The following ADCY1 variants were observed in gnomAD, a reference collection of about 807,000 sequenced individuals.
The protein encoded by ADCY1 is adenylate cyclase type 1.
Under a neutral mutation model 105.4 loss-of-function variants are expected in ADCY1, and 28 were observed. The ratio of observed to expected loss-of-function variants is 0.27; its 90% CI spans 0.20 to 0.36. The LOEUF (loss-of-function observed/expected upper bound fraction) is 0.36, where lower values mean the gene tolerates loss of function less well. ADCY1 is among the 10% of genes least tolerant of loss of function. ADCY1 has a pLI of 1.00. For synonymous variants in ADCY1, 655 were observed against 623.8 expected (o/e 1.05, Z -0.75); for missense variants, 977 against 1,434.2 (o/e 0.68, Z 5.15).
intron 14 of ADCY1, among the ~76,000 whole-genome samples, chr7:45,699,806 G>A (rs1429093032): frequency 6.6e-6 from 1 of 152,184 alleles, no homozygotes; most frequent in African/African-American, 2.4e-5. Flanking sequence ...TCCTCAGATA[G>A]GACGAGTTCT....
chr7:45,702,438 A>G (rs1214103060), intron 14 of ADCY1, among the ~76,000 whole-genome samples: 1 of 152,240 alleles, frequency 6.6e-6, no homozygotes, highest in Non-Finnish European at 1.5e-5. Flanking sequence ...TGGCCAGGCC[A>G]TGGGCCGCTC....
chr7:45,650,498 C>T (rs1231311352), intron 5 of ADCY1, among the ~76,000 whole-genome samples: 1 of 152,126 alleles, frequency 6.6e-6, no homozygotes, highest in African/African-American at 2.4e-5. Flanking sequence ...GTGAAGCCCC[C>T]ACTCGGTGCT....
chr7:45,682,097 C>T (rs959177171), intron 11 of ADCY1, among the ~76,000 whole-genome samples: 1 of 152,160 alleles, frequency 6.6e-6, no homozygotes, highest in Non-Finnish European at 1.5e-5. Context: ...ACCTCACTGG[C>T]TTGACATGAG....
intron 2 of ADCY1, among the ~76,000 whole-genome samples, chr7:45,601,306 G>C (rs1199864113): frequency 6.6e-6 from 1 of 152,170 alleles, no homozygotes; most frequent in African/African-American, 2.4e-5. Context: ...ATCCTGCCAG[G>C]TTCTCAGCTG....
intron 2 of ADCY1, among the ~76,000 whole-genome samples, chr7:45,609,313 C>T (rs529393416): frequency 5.8e-4 from 88 of 152,282 alleles, no homozygotes; most frequent in Non-Finnish European, 5.6e-4. Flanking sequence ...GGGCTGTGCC[C>T]GGCAGGCTTG....
At chr7:45,652,861 C>G (rs1794847152) in intron 5 of ADCY1, among the ~76,000 whole-genome samples, 1 of 152,188 alleles carries the variant, frequency 6.6e-6, no homozygotes, top group Non-Finnish European at 1.5e-5. Flanking sequence ...CATCCTGGCC[C>G]TCTGGGAGCC....
chr7:45,634,896 A>G (rs1310211647), intron 4 of ADCY1, among the ~76,000 whole-genome samples: 1 of 152,118 alleles, frequency 6.6e-6, no homozygotes, highest in Non-Finnish European at 1.5e-5. Flanking sequence ...ATGTTACTTA[A>G]AGATATTAGT....
intron 5 of ADCY1, among the ~76,000 whole-genome samples, chr7:45,649,972 A>T (rs929508572): frequency 1.8e-4 from 27 of 152,208 alleles, no homozygotes; most frequent in African/African-American, 6.0e-4. Flanking sequence ...AGAGAAAAGC[A>T]GCCTGGCTGG....
chr7:45,606,737 C>T (rs561310712), intron 2 of ADCY1, among the ~76,000 whole-genome samples: 2 of 152,250 alleles, frequency 1.3e-5, no homozygotes, highest in South Asian at 2.1e-4. Flanking sequence ...TTTAAGAGTA[C>T]ATTTAAGTCA....
Position 45,692,249 on chromosome 7 carries a change from C to T in ADCY1, c.2454+5576C>T, listed in dbSNP as rs150138607. ...GCACACACAGCCTCTGGCAGGCATC[C>T]ACTCTGTACCTACACACAAAGTGTT... On this transcript the variant is annotated intron_variant, in intron 14 of 19. Coordinates refer to ENST00000297323, the MANE Select transcript of ADCY1 (RefSeq NM_021116.4). 1.6e-3 allele frequency among the ~76,000 whole-genome samples: 251 copies of T among 152,340 alleles called. 1 individual carries two copies. The highest frequency in any genetic ancestry group is 5.5e-3 in the African/African-American group (227 of 41,580).
At chr7:45,629,446 C>T (rs1486631632) in intron 4 of ADCY1, among the ~76,000 whole-genome samples, 1 of 151,416 alleles carries the variant, frequency 6.6e-6, no homozygotes, top group Non-Finnish European at 1.5e-5. Context: ...TATGGGTATT[C>T]AGTTCTCTTG....
intron 17 of ADCY1, among the ~76,000 whole-genome samples, chr7:45,706,016 T>A (rs1382742963): frequency 6.6e-6 from 1 of 152,208 alleles, no homozygotes; most frequent in Non-Finnish European, 1.5e-5. Flanking sequence ...AAGATCTATA[T>A]GAGCAAAACT....
chr7:45,687,420 G>A (rs1431999143), intron 14 of ADCY1, among the ~76,000 whole-genome samples: 1 of 152,188 alleles, frequency 6.6e-6, no homozygotes, highest in Non-Finnish European at 1.5e-5. Context: ...GTGGGTGCTG[G>A]TGTGAGCATC....
In ADCY1 at chr7:45,721,830, C is replaced by T. The variant is rs1785480285; in HGVS notation, c.*7835C>T. 6 of 398,450 alleles carry T rather than the reference C, an allele frequency of 1.5e-5. No individual in the cohort carries two copies. In the South Asian group the frequency reaches 3.8e-4, roughly 25 times the overall value. The allele number at this position is 398,450 out of a possible 1,614,324, so 24.7% of individuals were successfully genotyped here. A position where few individuals can be genotyped will look rare whatever the true frequency, so the allele number is the denominator to read the frequency against. Reference sequence around the variant, plus strand: ...GGCATTGGTTCCTGCTGGTACCGGGCGGTTCAGACCTTCAAATAGGTTGCT... The same window carrying T: ...GGCATTGGTTCCTGCTGGTACCGGGTGGTTCAGACCTTCAAATAGGTTGCT... On this transcript the variant is annotated 3_prime_UTR_variant, in exon 20 of 20. Transcript: ENST00000297323.
intron 3 of ADCY1, among the ~76,000 whole-genome samples, chr7:45,610,818 A>AAAGGGTGATGATGGAGGTG (rs1793540261): frequency 1.9e-5 from 2 of 104,594 alleles, no homozygotes; most frequent in Non-Finnish European, 3.9e-5. Flanking sequence ...TGGTGGAGGT[A>AAAGGGTGATGATGGAGGTG]TGGAGGTGAT....
At chr7:45,649,655 G>T (rs1200998696) in intron 5 of ADCY1, among the ~76,000 whole-genome samples, 1 of 152,230 alleles carries the variant, frequency 6.6e-6, no homozygotes, top group Admixed American at 6.5e-5. Flanking sequence ...TGCCTCGTGG[G>T]CTGCCCCATG....
rs533079395 is a variant in ADCY1, at chr7:45,659,984, G to C, written c.1308-58G>C. The C allele has an allele frequency of 1.9e-6, 3 of 1,606,620 alleles. No homozygotes were observed. The African/African-American group carries it at 4.0e-5, about 21-fold the overall frequency. ...GCCCCTTCCCCTCTGGTAAGGCCCT[G>C]CAGACTCTGACAGCAGTGGTTCCCC... is the stretch of plus-strand genomic sequence containing the variant. On this transcript the variant is annotated intron_variant, in intron 6 of 19. Transcript: ENST00000297323.
At chr7:45,642,529 C>T (rs1000205170) in intron 4 of ADCY1, among the ~76,000 whole-genome samples, 2 of 152,208 alleles carry the variant, frequency 1.3e-5, no homozygotes, top group Non-Finnish European at 2.9e-5. Flanking sequence ...ATGTGCTCCT[C>T]CTGCCCACTT....
At chr7:45,585,439 C>CTTTTTT (rs56193100) in intron 1 of ADCY1, among the ~76,000 whole-genome samples, 1 of 121,120 alleles carries the variant, frequency 8.3e-6, no homozygotes. Flanking sequence ...GTGGGTACAT[C>CTTTTTT]TTTTTTTTTT....
Sources: allele counts gnomAD v4.1 joint callset (sites outside exome capture counted in the v4.1 genomes callset), GRCh38; gene constraint gnomAD v4.1.1; transcripts MANE v1.5; gene names NCBI Gene and HGNC (gene_info 2026-07-23, HGNC 2026-07-21).